TP53BP1: variants seen among roughly 807,000 people sequenced by gnomAD.
TP53BP1 encodes the protein tumor protein p53 binding protein 1, also known as TP53-binding protein 1.
Under a neutral mutation model 200.8 loss-of-function variants are expected in TP53BP1, and 61 were observed. The observed-to-expected ratio is 0.30, with a 90% CI of 0.25 to 0.38. The LOEUF is 0.38. Among genes scored for constraint, TP53BP1 ranks in the 10% least tolerant of loss-of-function variants. TP53BP1 has a pLI of 1.00. For missense variants in TP53BP1, 2,144 were observed against 2,371.9 expected (o/e 0.90, Z 2.00); for synonymous variants, 822 against 844.3 (o/e 0.97, Z 0.46).
intron 10 of TP53BP1, among the ~76,000 whole-genome samples, chr15:43,471,386 C>T (rs1437182850): frequency 6.6e-6 from 1 of 151,924 alleles, no homozygotes; most frequent in Non-Finnish European, 1.5e-5. Flanking sequence ...ATATACTTAA[C>T]AAACTTTCTA....
chr15:43,464,131 ATCTG>A (rs1422834588), intron 11 of TP53BP1, among the ~76,000 whole-genome samples: 1 of 152,194 alleles, frequency 6.6e-6, no homozygotes, highest in Non-Finnish European at 1.5e-5. Context: ...ACTACTAATC[ATCTG>A]TCTGATATTT....
chr15:43,509,608 CATGTTGGCCAGGCTGGTCT>C (rs1353110059), intron 1 of TP53BP1, among the ~76,000 whole-genome samples: 1 of 152,190 alleles, frequency 6.6e-6, no homozygotes. Flanking sequence ...AGGGTTTCTC[CATGTTGGCCAGGCTGGTCT>C]TGAACTCCTG....
chr15:43,423,498 C>CAAT (rs34957899), intron 18 of TP53BP1, among the ~76,000 whole-genome samples: 69,998 of 150,988 alleles, frequency 0.46, 21,172 homozygotes, highest in African/African-American at 0.87. Context: ...TCTCTACTAA[C>CAAT]ACAAAAAAAA....
In TP53BP1 at chr15:43,478,842, C is replaced by T. The variant is rs567792959; in HGVS notation, c.788+555G>A. On this transcript the variant is annotated intron_variant, in intron 7 of 27. Transcript: ENST00000382044. ...GACCTCCCACAGACAAGCAGTGTCTCTGTAGACAAAGATCACAAAGGAGGA... is the reference window on the plus strand; with the variant it reads ...GACCTCCCACAGACAAGCAGTGTCTTTGTAGACAAAGATCACAAAGGAGGA... 2.0e-5 allele frequency among the ~76,000 whole-genome samples: 3 copies of T among 152,312 alleles called. No homozygotes were observed. In the East Asian group the frequency reaches 5.8e-4, roughly 29 times the overall value.
intron 10 of TP53BP1, among the ~76,000 whole-genome samples, chr15:43,472,302 T>C (rs368952712): frequency 6.6e-6 from 1 of 152,234 alleles, no homozygotes; most frequent in African/African-American, 2.4e-5. Context: ...TTGCCTATAC[T>C]AAGTGCTCAA....
At position 43,470,026 on chromosome 15, in the gene TP53BP1, T is replaced by C. The variant is rs756927121; in HGVS notation, c.1221A>G (p.Gly407=). ...TTTGAAGTTTCTTCTGAAAAGGCTC[T>C]CCTCCTTCTTCAGATAACACTGACG... The part of the protein sequence containing the change: ...MDTSVLSEEG[G]EPFQKKLQSG... The change falls in exon 11 of 28, where the codon GGA becomes GGG. Residue 407 remains glycine (G), a synonymous_variant. Transcript: ENST00000382044. The C allele has an allele frequency of 5.0e-6, 8 of 1,613,384 alleles. No homozygotes were observed. Among genetic ancestry groups the C allele is most frequent in the Non-Finnish European group, 5.9e-6 (7 of 1,179,996 alleles).
At chr15:43,483,285 ACT>A (rs1042471831) in intron 4 of TP53BP1, among the ~76,000 whole-genome samples, 8 of 149,504 alleles carry the variant, frequency 5.4e-5, no homozygotes, top group Admixed American at 4.6e-4. Context: ...ACAAATGTAT[ACT>A]CTTTCATTTC....
intron 4 of TP53BP1, among the ~76,000 whole-genome samples, chr15:43,490,004 C>G (rs779649811): frequency 6.6e-5 from 10 of 152,196 alleles, no homozygotes; most frequent in Non-Finnish European, 1.2e-4. Context: ...CCTCAATCTT[C>G]CAGGCTCAAG....
intron 14 of TP53BP1, among the ~76,000 whole-genome samples, chr15:43,442,082 ATTTT>A (rs1158826286): frequency 1.6e-5 from 2 of 123,516 alleles, no homozygotes; most frequent in Admixed American, 8.2e-5. Context: ...ATTTGTTTTA[ATTTT>A]TTTTTTTTTT....
upstream of TP53BP1, among the ~76,000 whole-genome samples, chr15:43,494,747 G>T (rs1442013246): frequency 6.6e-6 from 1 of 152,178 alleles, no homozygotes; most frequent in African/African-American, 2.4e-5. Flanking sequence ...ACCAGGTCCT[G>T]TTATGAGTAA....
At chr15:43,432,830 A>C (rs1049582728) in intron 16 of TP53BP1, among the ~76,000 whole-genome samples, 153 bp from the exon 17 acceptor site, 2 of 152,092 alleles carry the variant, frequency 1.3e-5, no homozygotes, top group African/African-American at 4.8e-5. Context: ...TCAGGTAGTC[A>C]AGCATTATCA....
intron 15 of TP53BP1, chr15:43,441,245 T>C: frequency 3.3e-6 from 1 of 300,968 alleles, no homozygotes; most frequent in Non-Finnish European, 6.1e-6. Context: ...TTGTGGAGAC[T>C]CTTGTATCAG....
chr15:43,476,671 C>T (rs1595606873), intron 8 of TP53BP1, among the ~76,000 whole-genome samples: 2 of 152,276 alleles, frequency 1.3e-5, no homozygotes, highest in Middle Eastern at 6.8e-3. Flanking sequence ...CTCGGTGACC[C>T]TCTGAATGTC....
intron 10 of TP53BP1, among the ~76,000 whole-genome samples, chr15:43,471,083 C>T (rs1298677395): frequency 6.6e-6 from 1 of 151,812 alleles, no homozygotes; most frequent in African/African-American, 2.4e-5. Context: ...GCACTACATA[C>T]AAAAAAGGCT....
intron 9 of TP53BP1, among the ~76,000 whole-genome samples, chr15:43,475,109 A>G (rs2078861107): frequency 6.6e-6 from 1 of 152,146 alleles, no homozygotes; most frequent in Non-Finnish European, 1.5e-5. Context: ...AAATTATTCC[A>G]TTTTTTTGCC....
chr15:43,455,835 T>C, intron 12 of TP53BP1, 57 bp downstream of exon 12: 5 of 1,593,216 alleles, frequency 3.1e-6, no homozygotes, highest in Non-Finnish European at 4.3e-6. Flanking sequence ...TCTCGCCAAC[T>C]TTCCATTCCA....
Position 43,409,654 on chromosome 15 carries a change from T to C in TP53BP1, c.5393A>G (p.Glu1798Gly). ...CACAAAGAAACTCCTCACCTGGGCT[T>C]CATTGAAATCTTCAAGGATATAGCC... ...GAGYILEDFN[E>G]AQCNTAYQCL... The change falls in exon 25 of 28, where the codon GAA (glutamate) becomes GGA (glycine). Residue 1798 changes from glutamate (E) to glycine (G), a missense_variant. Glu to Gly is a moderately conservative substitution (Grantham distance 98, BLOSUM62 -2). Transcript: ENST00000382044. 1 of 1,538,510 alleles carries C rather than the reference T, an allele frequency of 6.5e-7. No homozygotes were observed. Among genetic ancestry groups the C allele is most frequent in the Non-Finnish European group, 8.8e-7 (1 of 1,140,600 alleles).
At chr15:43,491,050 C>T (rs1446831586) in intron 4 of TP53BP1, among the ~76,000 whole-genome samples, 2 of 151,584 alleles carry the variant, frequency 1.3e-5, no homozygotes, top group Non-Finnish European at 2.9e-5. Context: ...GAAAACATGC[C>T]TAATAGTTCT....
At chr15:43,507,693 G>T (rs907505484) in intron 1 of TP53BP1, among the ~76,000 whole-genome samples, 2 of 151,860 alleles carry the variant, frequency 1.3e-5, no homozygotes, top group African/African-American at 4.8e-5. Context: ...CTGGGACACA[G>T]ATGCTAATGC....
Sources: allele counts gnomAD v4.1 joint callset (sites outside exome capture counted in the v4.1 genomes callset), GRCh38; gene constraint gnomAD v4.1.1; transcripts MANE v1.5; gene names NCBI Gene and HGNC (gene_info 2026-07-23, HGNC 2026-07-21).